TBCA: variants seen among roughly 807,000 people sequenced by gnomAD.
TBCA encodes the protein tubulin folding cofactor A.
A neutral mutation model predicts 15.8 loss-of-function variants in TBCA; 6 were observed. That is an observed-to-expected ratio of 0.38 (90% CI 0.21 to 0.75). TBCA has a LOEUF of 0.75. Among genes scored for constraint, TBCA ranks in the 30% least tolerant of loss-of-function variants. The pLI is 0.46. For synonymous variants in TBCA, 32 were observed against 42.3 expected (o/e 0.76, Z 0.94); for missense variants, 90 against 131.2 (o/e 0.69, Z 1.53).
chr5:77,712,628 C>T (rs992935612), intron 1 of TBCA, among the ~76,000 whole-genome samples: 5 of 151,918 alleles, frequency 3.3e-5, no homozygotes, highest in South Asian at 4.2e-4. Context: ...TCAAAATACA[C>T]ATAATTTTGA....
intron 1 of TBCA, among the ~76,000 whole-genome samples, chr5:77,742,297 T>G (rs1747057554): frequency 6.6e-6 from 1 of 152,184 alleles, no homozygotes; most frequent in Non-Finnish European, 1.5e-5. Flanking sequence ...CTTCAGATTT[T>G]CAGATAAGGA....
chr5:77,756,622 C>A (rs1404830021), intron 1 of TBCA, among the ~76,000 whole-genome samples: 2 of 145,456 alleles, frequency 1.4e-5, no homozygotes. Flanking sequence ...GAACAACTTC[C>A]TAAGAGGAAA....
intron 1 of TBCA, among the ~76,000 whole-genome samples, chr5:77,761,611 G>A (rs1166847563): frequency 6.7e-6 from 1 of 149,498 alleles, no homozygotes; most frequent in Non-Finnish European, 1.5e-5. Context: ...CCCTCTCCGA[G>A]AAACACCCAA....
At chr5:77,768,051 T>C (rs982418267) in intron 1 of TBCA, among the ~76,000 whole-genome samples, 5 of 152,198 alleles carry the variant, frequency 3.3e-5, no homozygotes, top group Non-Finnish European at 7.3e-5. Context: ...CAGCGCACCA[T>C]CCTGGAAGCA....
intron 1 of TBCA, among the ~76,000 whole-genome samples, chr5:77,760,551 T>G (rs986267263): frequency 1.3e-5 from 2 of 152,052 alleles, no homozygotes; most frequent in African/African-American, 4.8e-5. Context: ...GCCTGCCGAG[T>G]GCCTAGGATT....
chr5:77,776,262 C>A lies in TBCA; in HGVS notation c.-5G>T. 6.3e-7 allele frequency: 1 copy of A among 1,577,688 alleles called. No individual in the cohort carries two copies. The highest frequency in any genetic ancestry group is 2.3e-5 in the East Asian group (1 of 42,788). On this transcript the variant is annotated 5_prime_UTR_variant, in exon 1 of 4. Coordinates refer to ENST00000380377, the MANE Select transcript of TBCA (RefSeq NM_004607.3). ...TCTCACGCGAGGATCGGCCATGGTC[C>A]CTCGAGCGCCGCGAGAAGGAGGGGC... is the stretch of plus-strand genomic sequence containing the variant.
At chr5:77,758,717 G>A (rs1318276661) in intron 1 of TBCA, among the ~76,000 whole-genome samples, 1 of 152,100 alleles carries the variant, frequency 6.6e-6, no homozygotes, top group African/African-American at 2.4e-5. Flanking sequence ...AGGTGAGCAT[G>A]CACAGTGTGT....
chr5:77,704,314 G>A (rs573187049), intron 2 of TBCA, among the ~76,000 whole-genome samples: 27 of 152,270 alleles, frequency 1.8e-4, no homozygotes, highest in Non-Finnish European at 3.5e-4. Context: ...TAGTCCAACA[G>A]AGGGACTGTC....
chr5:77,772,970 G>GA (rs1027882567), intron 1 of TBCA, among the ~76,000 whole-genome samples: 1 of 152,178 alleles, frequency 6.6e-6, no homozygotes, highest in Non-Finnish European at 1.5e-5. Context: ...ACTGGAATGA[G>GA]AAATGTCAAG....
At chr5:77,766,935 T>C (rs906310434) in intron 1 of TBCA, among the ~76,000 whole-genome samples, 6 of 152,226 alleles carry the variant, frequency 3.9e-5, no homozygotes, top group Non-Finnish European at 7.3e-5. Context: ...AAAACAATTC[T>C]GTGAAAAGCA....
rs1212414290 is a variant in TBCA, at chr5:77,708,362, A to G, written c.54-15T>C. ...CTTTGACCAACCTATAAAAAAGCCA[A>G]AAATGTTTTAGAAAATTAGCTTTCT... On this transcript the variant is annotated splice_polypyrimidine_tract_variant and intron_variant, in intron 1 of 3. Coordinates refer to ENST00000380377, the MANE Select transcript of TBCA (RefSeq NM_004607.3). The G allele has an allele frequency of 1.1e-5, 17 of 1,537,314 alleles. No homozygotes were observed. The highest frequency in any genetic ancestry group is 1.7e-4 in the Middle Eastern group (1 of 5,900).
chr5:77,776,114 C>T (rs1748019806), intron 1 of TBCA, 91 bp downstream of exon 1: 28 of 1,491,266 alleles, frequency 1.9e-5, no homozygotes, highest in Non-Finnish European at 2.5e-5. Context: ...GAGCCCGCCT[C>T]GGGCCTCCTC....
In TBCA at chr5:77,744,530, C is replaced by CTTT. The variant is rs1561277852; in HGVS notation, c.53+31674_53+31675insAAA. ...TCCAGAAAACAGAATGTCTTATTCA[C>CTTT]CTTTTTTTTTTTTTTTTTTTTTTTG... On this transcript the variant is annotated intron_variant, in intron 1 of 3. Coordinates refer to ENST00000380377, the MANE Select transcript of TBCA (RefSeq NM_004607.3). 2.8e-4 allele frequency among the ~76,000 whole-genome samples: 31 copies of CTTT among 111,094 alleles called. No homozygotes were observed. The South Asian group carries it at 9.2e-3, about 33-fold the overall frequency. The allele number at this position is 111,094 out of a possible 152,430, so 72.9% of individuals were successfully genotyped here.
intron 1 of TBCA, among the ~76,000 whole-genome samples, chr5:77,756,878 G>A (rs150872270): frequency 1.3e-5 from 2 of 150,706 alleles, no homozygotes; most frequent in African/African-American, 4.9e-5. Flanking sequence ...ACAGGTGAAT[G>A]CACCTTTGTT....
At chr5:77,775,186 T>A (rs1027796231) in intron 1 of TBCA, among the ~76,000 whole-genome samples, 5 of 152,200 alleles carry the variant, frequency 3.3e-5, no homozygotes, top group Non-Finnish European at 5.9e-5. Flanking sequence ...CGTAACTGAC[T>A]GCTTCCTCTG....
chr5:77,757,252 G>T (rs576202957), intron 1 of TBCA, among the ~76,000 whole-genome samples: 3 of 152,166 alleles, frequency 2.0e-5, no homozygotes, highest in Admixed American at 1.3e-4. Context: ...AGAAATTAAG[G>T]CCAGCTGGTT....
intron 1 of TBCA, among the ~76,000 whole-genome samples, chr5:77,755,872 C>A (rs924582941): frequency 1.3e-5 from 2 of 151,306 alleles, no homozygotes; most frequent in African/African-American, 2.4e-5. Flanking sequence ...GGAGTGGTGG[C>A]GCATGCCTGT....
At chr5:77,708,531 TCCTATACCTG>T (rs1746201402) in intron 1 of TBCA, 184 bp from the exon 2 acceptor site, 2 of 421,426 alleles carry the variant, frequency 4.7e-6, no homozygotes, top group Non-Finnish European at 8.6e-6. Context: ...TGCTCTTAAG[TCCTATACCTG>T]CCTAACGTAA....
At position 77,752,647 on chromosome 5, in the gene TBCA, T is replaced by C. The variant is rs1158122805; in HGVS notation, c.53+23558A>G. On this transcript the variant is annotated intron_variant, in intron 1 of 3. Transcript: ENST00000380377. ...AATCTCGGCTCACTGCAAGCTCCGC[T>C]TCCCGGGTTCACGCCATTCTCCTGC... Among the ~76,000 whole-genome samples the C allele has an allele frequency of 6.7e-5, 7 of 104,992 alleles. 1 individual carries two copies. The highest frequency in any genetic ancestry group is 6.3e-4 in the East Asian group (2 of 3,200). 68.9% of individuals were successfully genotyped at this position (104,992 alleles called of 152,430 possible).
Sources: allele counts gnomAD v4.1 joint callset (sites outside exome capture counted in the v4.1 genomes callset), GRCh38; gene constraint gnomAD v4.1.1; transcripts MANE v1.5; gene names NCBI Gene and HGNC (gene_info 2026-07-23, HGNC 2026-07-21).